The following ERC2 variants were observed in gnomAD, a reference collection of about 807,000 sequenced individuals.
The protein encoded by ERC2 is ERC protein 2.
In ERC2, 42 loss-of-function variants were observed where a neutral mutation model predicts 114.8. The observed-to-expected ratio is 0.37, with a 90% CI of 0.29 to 0.47. ERC2 has a LOEUF of 0.47. ERC2 is among the 20% of genes least tolerant of loss of function. The probability of loss-of-function intolerance (pLI) is 0.99; values close to 1 mark genes in which losing one functional copy is unlikely to be tolerated. For synonymous variants in ERC2, 454 were observed against 425.5 expected (o/e 1.07, Z -0.82); for missense variants, 939 against 1,150.7 (o/e 0.82, Z 2.66).
intron 17 of ERC2, chr3:55,658,197 A>T (rs958921182): frequency 2.0e-5 from 3 of 152,170 alleles, no homozygotes; most frequent in Non-Finnish European, 4.4e-5. Context: ...TCTCTCCATC[A>T]TTCTTGTCTA....
At chr3:56,123,123 C>G (rs941265024) in intron 6 of ERC2, among the ~76,000 whole-genome samples, 2 of 152,144 alleles carry the variant, frequency 1.3e-5, no homozygotes, top group African/African-American at 4.8e-5. Context: ...TCCTCCATAT[C>G]CAATTTCTTC....
At chr3:55,917,567 A>G (rs773806108) in intron 13 of ERC2, among the ~76,000 whole-genome samples, 1 of 152,184 alleles carries the variant, frequency 6.6e-6, no homozygotes, top group Non-Finnish European at 1.5e-5. Context: ...AATTCCATTT[A>G]TATGAAATGT....
At chr3:55,677,778 G>C (rs1275219306) in intron 17 of ERC2, among the ~76,000 whole-genome samples, 1 of 152,144 alleles carries the variant, frequency 6.6e-6, no homozygotes, top group East Asian at 1.9e-4. Context: ...TACTCTCTTT[G>C]TGGGGATGTG....
chr3:55,605,556 AT>A (rs2058607180), intron 17 of ERC2, among the ~76,000 whole-genome samples: 2 of 152,240 alleles, frequency 1.3e-5, no homozygotes, highest in African/African-American at 4.8e-5. Flanking sequence ...CTGAAAGGAA[AT>A]AGATCATTGT....
chr3:56,391,674 A>C (rs1275581413), intron 2 of ERC2, among the ~76,000 whole-genome samples: 10 of 152,150 alleles, frequency 6.6e-5, no homozygotes, highest in Non-Finnish European at 1.3e-4. Context: ...AATGAGTTTT[A>C]ATTATAGAGG....
In ERC2 at chr3:55,818,688, G is replaced by A. The variant is rs562264013; in HGVS notation, c.2564+69701C>T. 6.6e-5 allele frequency among the ~76,000 whole-genome samples: 10 copies of A among 152,274 alleles called. No homozygotes were observed. In the South Asian group the frequency reaches 8.3e-4, roughly 13 times the overall value. On this transcript the variant is annotated intron_variant, in intron 14 of 17. Transcript: ENST00000288221. ...ACCACCAACCACAGAGGGGTGCTAC[G>A]TGTGTGCAATGTGACAAGGCAGCTG...
At chr3:56,220,314 CT>C (rs1560403766) in intron 3 of ERC2, among the ~76,000 whole-genome samples, 1 of 152,134 alleles carries the variant, frequency 6.6e-6, no homozygotes, top group Non-Finnish European at 1.5e-5. Flanking sequence ...CCATGAAATG[CT>C]TTATTAAAAA....
intron 3 of ERC2, among the ~76,000 whole-genome samples, chr3:56,225,842 G>A (rs562534784): frequency 9.2e-5 from 14 of 152,214 alleles, no homozygotes; most frequent in East Asian, 3.9e-4. Context: ...TCCTATTGAT[G>A]CTTCCAGCCC....
rs111307335 is a variant in ERC2, at chr3:55,918,208, A to G, written c.2404-29659T>C. On this transcript the variant is annotated intron_variant, in intron 13 of 17. Coordinates refer to ENST00000288221, the MANE Select transcript of ERC2 (RefSeq NM_015576.3). The stretch of plus-strand genomic sequence containing the variant: ...GGTCTTATGGCCATTTCTAGCTACA[A>G]TGTAATCTGGAAATGTAATGTATAT... Among the ~76,000 whole-genome samples, 1,230 of 152,266 alleles carry G rather than the reference A, an allele frequency of 8.1e-3. 9 individuals carry two copies. The highest frequency in any genetic ancestry group is 0.028 in the African/African-American group (1,157 of 41,554).
intron 14 of ERC2, among the ~76,000 whole-genome samples, chr3:55,784,822 T>C (rs1407731928): frequency 6.6e-6 from 1 of 152,216 alleles, no homozygotes; most frequent in Non-Finnish European, 1.5e-5. Context: ...GTTCTTTGCA[T>C]GTGCTGGATG....
intron 14 of ERC2, among the ~76,000 whole-genome samples, chr3:55,769,536 C>T (rs775814161): frequency 5.3e-5 from 8 of 151,736 alleles, no homozygotes; most frequent in East Asian, 1.9e-4. Context: ...TATTGTCAGA[C>T]GATGTTAGAT....
chr3:55,576,320 A>T (rs576750859), intron 17 of ERC2, among the ~76,000 whole-genome samples: 2 of 152,228 alleles, frequency 1.3e-5, no homozygotes, highest in South Asian at 2.1e-4. Context: ...AAAAAAAAAA[A>T]AAAATAAATC....
chr3:55,972,637 T>C (rs531590128), intron 12 of ERC2, among the ~76,000 whole-genome samples: 5 of 152,206 alleles, frequency 3.3e-5, no homozygotes, highest in Admixed American at 6.5e-5. Context: ...TAGTATTCCA[T>C]GGTGTATATG....
chr3:56,153,729 G>A (rs958366990), intron 4 of ERC2, among the ~76,000 whole-genome samples: 1 of 152,044 alleles, frequency 6.6e-6, no homozygotes, highest in Non-Finnish European at 1.5e-5. Flanking sequence ...GTGAGTGGGT[G>A]GAACATCAAA....
chr3:56,235,141 C>T (rs1020867220), intron 3 of ERC2, among the ~76,000 whole-genome samples: 1 of 152,124 alleles, frequency 6.6e-6, no homozygotes, highest in Non-Finnish European at 1.5e-5. Flanking sequence ...AACCTCTCCC[C>T]CTACCCCCAA....
intron 2 of ERC2, among the ~76,000 whole-genome samples, chr3:56,323,182 G>A (rs2057204480): frequency 6.6e-6 from 1 of 152,038 alleles, no homozygotes; most frequent in South Asian, 2.1e-4. Context: ...CCAGCCTCAG[G>A]TATTCTGTTA....
At chr3:55,679,965 C>T (rs189329476) in intron 17 of ERC2, among the ~76,000 whole-genome samples, 62 of 152,340 alleles carry the variant, frequency 4.1e-4, no homozygotes, top group African/African-American at 1.5e-3. Context: ...CTTCCTCCTT[C>T]TTTCATTCTT....
chr3:55,766,365 T>G (rs1575534246), intron 14 of ERC2, among the ~76,000 whole-genome samples: 1 of 152,056 alleles, frequency 6.6e-6, no homozygotes, highest in African/African-American at 2.4e-5. Flanking sequence ...TTTATTTTAT[T>G]TATTTATTTT....
chr3:55,620,035 T>C lies in ERC2; in HGVS notation c.*39+63759A>G, dbSNP rs377520406. Among the ~76,000 whole-genome samples the C allele has an allele frequency of 2.2e-4, 33 of 152,298 alleles. No individual in the cohort carries two copies. The East Asian group carries it at 5.6e-3, about 26-fold the overall frequency. ...TTAAATAGATAACCTGAGCTCTTCA[T>C]TGCCTGGCAAAATGACTGTTCACCT... On this transcript the variant is annotated intron_variant, in intron 17 of 17. Transcript: ENST00000288221.
Sources: gnomAD v4.1 joint callset for allele counts (sites outside exome capture counted in the v4.1 genomes callset) on GRCh38, gnomAD v4.1.1 for gene constraint, MANE v1.5 for transcripts, NCBI Gene and HGNC (gene_info 2026-07-23, HGNC 2026-07-21) for gene names.